The following SCARA3 variants were observed in gnomAD, a reference collection of about 807,000 sequenced individuals.
SCARA3 encodes the protein scavenger receptor class A member 3.
SCARA3 carries 39 observed loss-of-function variants against 47.0 expected under a neutral mutation model. The ratio of observed to expected loss-of-function variants is 0.83; its 90% CI spans 0.64 to 1.08. The LOEUF (loss-of-function observed/expected upper bound fraction) is 1.08, where lower values mean the gene tolerates loss of function less well. Among genes scored for constraint, SCARA3 ranks in the 50% least tolerant of loss-of-function variants. SCARA3 has a pLI of 0.00. For missense variants in SCARA3, 724 were observed against 792.3 expected (o/e 0.91, Z 1.04); for synonymous variants, 356 against 334.1 (o/e 1.07, Z -0.71).
At chr8:27,633,729 A>T (rs1302023042), upstream of SCARA3, 1 of 150,130 alleles carries the variant, frequency 6.7e-6, no homozygotes, top group Non-Finnish European at 1.5e-5. Flanking sequence ...CGGCGGCACA[A>T]AGAGGCCGGC....
the SCARA3 span, among the ~76,000 whole-genome samples, chr8:27,688,966 A>C: frequency 1.3e-5 from 2 of 152,106 alleles, no homozygotes; most frequent in African/African-American, 4.8e-5. Flanking sequence ...GATATATTTC[A>C]CAGTGTTTTA....
At chr8:27,730,679 G>A in the SCARA3 span, among the ~76,000 whole-genome samples, 11 of 151,808 alleles carry the variant, frequency 7.2e-5, no homozygotes, top group African/African-American at 2.7e-4. Context: ...TTGTAGAGAT[G>A]GGGTTTTGCC....
chr8:27,676,051 T>A (rs1288753562), downstream of SCARA3, among the ~76,000 whole-genome samples: 1 of 152,204 alleles, frequency 6.6e-6, no homozygotes, highest in Non-Finnish European at 1.5e-5. Context: ...AAGCAAAGTG[T>A]GTTTGCATTT....
intron 1 of SCARA3, among the ~76,000 whole-genome samples, chr8:27,647,569 T>A (rs566433312): frequency 6.6e-6 from 1 of 152,272 alleles, no homozygotes; most frequent in South Asian, 2.1e-4. Context: ...GCTAGGGATG[T>A]TGGATAAAGC....
At chr8:27,636,914 T>G (rs1801265481) in intron 1 of SCARA3, among the ~76,000 whole-genome samples, 1 of 152,154 alleles carries the variant, frequency 6.6e-6, no homozygotes, top group Non-Finnish European at 1.5e-5. Context: ...AGGATTTTTC[T>G]CACTCGAGTG....
chr8:27,674,731 T>C (rs1802237591), downstream of SCARA3, among the ~76,000 whole-genome samples: 1 of 143,928 alleles, frequency 6.9e-6, no homozygotes, highest in African/African-American at 2.6e-5. Context: ...CTCTCTTTTT[T>C]TTTTTTTTTT....
At chr8:27,673,744 ACGG>A (rs892254452), downstream of SCARA3, among the ~76,000 whole-genome samples, 1 of 152,066 alleles carries the variant, frequency 6.6e-6, no homozygotes. Context: ...AGCCATTGTC[ACGG>A]TGGGACTTAT....
At chr8:27,637,160 GGGCCCACTCT>G (rs1406442382) in intron 1 of SCARA3, among the ~76,000 whole-genome samples, 2 of 152,340 alleles carry the variant, frequency 1.3e-5, no homozygotes, top group East Asian at 3.9e-4. Flanking sequence ...CCGAGTGCCA[GGGCCCACTCT>G]GCCAGCCAAG....
At position 27,645,912 on chromosome 8, in the gene SCARA3, A is replaced by G. The variant is rs891090842; in HGVS notation, c.8-3790A>G. On this transcript the variant is annotated intron_variant, in intron 1 of 5. Transcript: ENST00000301904. Reference sequence around the variant, plus strand: ...TTGGTGACTGTTTATTCATCCATACATATTCTGATCAGAACAATCTTGGTA... The same window carrying G: ...TTGGTGACTGTTTATTCATCCATACGTATTCTGATCAGAACAATCTTGGTA... Among the ~76,000 whole-genome samples the G allele has an allele frequency of 5.9e-5, 9 of 152,302 alleles. 1 individual carries two copies. The highest frequency in any genetic ancestry group is 8.8e-5 in the Non-Finnish European group (6 of 68,032).
chr8:27,723,273 G>A, the SCARA3 span, among the ~76,000 whole-genome samples: 1 of 152,152 alleles, frequency 6.6e-6, no homozygotes, highest in Non-Finnish European at 1.5e-5. Flanking sequence ...CACAGCCCTG[G>A]GCTATCTTGT....
chr8:27,660,544 T>TAGATAGAC (rs1199815326), intron 5 of SCARA3, among the ~76,000 whole-genome samples: 1 of 150,700 alleles, frequency 6.6e-6, no homozygotes, highest in African/African-American at 2.4e-5. Flanking sequence ...GATAGATAGA[T>TAGATAGAC]AGATAGATAG....
downstream of SCARA3, among the ~76,000 whole-genome samples, chr8:27,673,629 T>C (rs1324534937): frequency 2.6e-5 from 4 of 152,204 alleles, no homozygotes; most frequent in Admixed American, 1.3e-4. Context: ...CTGCCTCACA[T>C]GGACCTCACC....
chr8:27,720,919 A>T, the SCARA3 span, among the ~76,000 whole-genome samples: 145,833 of 152,150 alleles, frequency 0.96, 70,189 homozygotes, highest in Middle Eastern at 1. Context: ...CATCCACCTG[A>T]TTATCCACTC....
At chr8:27,668,836 G>A (rs1190182877) in intron 5 of SCARA3, among the ~76,000 whole-genome samples, 1 of 152,152 alleles carries the variant, frequency 6.6e-6, no homozygotes, top group Non-Finnish European at 1.5e-5. Flanking sequence ...ACCCTGTCTC[G>A]GAAAAAGAAA....
At chr8:27,673,059 T>C (rs1802205320), downstream of SCARA3, 7 of 941,892 alleles carry the variant, frequency 7.4e-6, no homozygotes, top group Non-Finnish European at 8.9e-6. Context: ...CTTGGGGGCA[T>C]GATGCCTTCA....
the SCARA3 span, chr8:27,697,648 T>C: frequency 6.6e-6 from 1 of 152,176 alleles, no homozygotes; most frequent in Non-Finnish European, 1.5e-5. Context: ...GATCCCGTAA[T>C]TCCTATGTGT....
intron 5 of SCARA3, among the ~76,000 whole-genome samples, chr8:27,668,433 G>A (rs907758614): frequency 8.6e-5 from 13 of 150,768 alleles, no homozygotes; most frequent in African/African-American, 2.0e-4. Flanking sequence ...CCAGCTACTC[G>A]GGAGGCTGAG....
At chr8:27,657,081 G>A (rs953148420) in intron 4 of SCARA3, among the ~76,000 whole-genome samples, 1 of 152,164 alleles carries the variant, frequency 6.6e-6, no homozygotes, top group Non-Finnish European at 1.5e-5. Context: ...TCCCAGGACT[G>A]GAGCAGGGGA....
the SCARA3 span, among the ~76,000 whole-genome samples, chr8:27,717,445 G>A: frequency 6.6e-6 from 1 of 152,158 alleles, no homozygotes; most frequent in Non-Finnish European, 1.5e-5. Flanking sequence ...CTCAATGTAC[G>A]TCTTTCCATG....
Sources: allele counts gnomAD v4.1 joint callset (sites outside exome capture counted in the v4.1 genomes callset), GRCh38; gene constraint gnomAD v4.1.1; transcripts MANE v1.5; gene names NCBI Gene and HGNC (gene_info 2026-07-23, HGNC 2026-07-21).